HELZ: variants seen among roughly 807,000 people sequenced by gnomAD.
The protein encoded by HELZ is helicase with zinc finger.
Under a neutral mutation model 218.2 loss-of-function variants are expected in HELZ, and 23 were observed. That is an observed-to-expected ratio of 0.11 (90% confidence interval 0.08 to 0.15). The LOEUF (loss-of-function observed/expected upper bound fraction) is 0.15. Ranked by LOEUF, HELZ falls within the 10% of genes least tolerant of loss-of-function variation. The probability of loss-of-function intolerance (pLI) is 1.00; values close to 1 mark genes in which losing one functional copy is unlikely to be tolerated. For synonymous variants in HELZ, 814 were observed against 829.4 expected (o/e 0.98, Z 0.32); for missense variants, 1,813 against 2,353.7 (o/e 0.77, Z 4.75).
At chr17:67,184,643 GACTTTTTTAATTA>G (rs2039703670) in intron 12 of HELZ, among the ~76,000 whole-genome samples, 1 of 151,874 alleles carries the variant, frequency 6.6e-6, no homozygotes, top group Admixed American at 6.6e-5. Context: ...TACAAAAAAA[GACTTTTTTAATTA>G]ACTTTTTTAA....
intron 24 of HELZ, among the ~76,000 whole-genome samples, chr17:67,126,942 C>A (rs1243142278): frequency 6.6e-6 from 1 of 152,112 alleles, no homozygotes; most frequent in Admixed American, 6.6e-5. Flanking sequence ...TCTCTTATAC[C>A]GGGAGTCTTT....
chr17:67,123,531 C>A (rs2037684929), intron 25 of HELZ, among the ~76,000 whole-genome samples: 1 of 152,020 alleles, frequency 6.6e-6, no homozygotes, highest in Non-Finnish European at 1.5e-5. Flanking sequence ...TGTAACAGAA[C>A]CACATACAAT....
chr17:67,167,897 T>C, intron 13 of HELZ, 101 bp from the exon 14 acceptor site: 2 of 779,420 alleles, frequency 2.6e-6, no homozygotes, highest in Admixed American at 5.5e-5. Flanking sequence ...ATACCAAAAA[T>C]TAAACCATTA....
intron 6 of HELZ, among the ~76,000 whole-genome samples, chr17:67,203,004 C>T (rs1316483827): frequency 2.0e-5 from 3 of 151,930 alleles, no homozygotes; most frequent in East Asian, 1.9e-4. Context: ...CATCTGTAGT[C>T]CCAGCTACTC....
chr17:67,216,206 A>G (rs2040596239), intron 4 of HELZ, among the ~76,000 whole-genome samples: 1 of 152,108 alleles, frequency 6.6e-6, no homozygotes, highest in African/African-American at 2.4e-5. Context: ...CCCCGCCAAA[A>G]GCTTTACTGA....
chr17:67,181,062 T>C (rs964379720), intron 12 of HELZ, among the ~76,000 whole-genome samples: 1 of 151,688 alleles, frequency 6.6e-6, no homozygotes, highest in Non-Finnish European at 1.5e-5. Context: ...AAAAAATAAA[T>C]AAATAAATAA....
At chr17:67,215,821 T>C in intron 5 of HELZ, 78 bp downstream of exon 5, 1 of 963,596 alleles carries the variant, frequency 1.0e-6, no homozygotes, top group Non-Finnish European at 1.6e-6. Context: ...TATCATCATT[T>C]TTGAAATTAG....
chr17:67,234,612 A>C (rs1390625719), intron 3 of HELZ, among the ~76,000 whole-genome samples: 1 of 152,112 alleles, frequency 6.6e-6, no homozygotes, highest in Admixed American at 6.5e-5. Context: ...TGGGAGGCCA[A>C]GTGCTTCAGG....
At chr17:67,154,713 A>G (rs1405534445) in intron 17 of HELZ, among the ~76,000 whole-genome samples, 1 of 152,178 alleles carries the variant, frequency 6.6e-6, no homozygotes, top group Admixed American at 6.5e-5. Flanking sequence ...TCCATTTTTC[A>G]TTCAATTCAA....
At chr17:67,232,708 G>T in intron 3 of HELZ, among the ~76,000 whole-genome samples, 1 of 152,212 alleles carries the variant, frequency 6.6e-6, no homozygotes, top group East Asian at 1.9e-4. Context: ...AATTGATGCA[G>T]AGGGAGGAAA....
Position 67,151,125 on chromosome 17 carries a change from T to C in HELZ, c.2277A>G (p.Lys759=). The stretch of plus-strand genomic sequence containing the variant: ...CCACTCGATGTTTAAGAATATCTTC[T>C]TTCTGGGGCATCTGAAAGGTGGAAT... ...SAHSTFQMPQ[K]EDILKHRVVV... The change falls in exon 18 of 33, where the codon AAA becomes AAG. Residue 759 remains lysine, a synonymous_variant. Coordinates refer to ENST00000358691, the MANE Select transcript of HELZ (RefSeq NM_014877.4). The C allele has an allele frequency of 1.2e-6, 2 of 1,614,002 alleles. No individual in the cohort carries two copies. Among genetic ancestry groups the C allele is most frequent in the Non-Finnish European group, 1.7e-6 (2 of 1,179,892 alleles).
intron 3 of HELZ, chr17:67,224,647 A>G: frequency 6.5e-6 from 4 of 618,912 alleles, no homozygotes; most frequent in Non-Finnish European, 1.2e-5. Context: ...ATGGGAGACA[A>G]ATGGCTTAGT....
chr17:67,123,484 T>C (rs113427086), intron 25 of HELZ, among the ~76,000 whole-genome samples: 1,603 of 152,220 alleles, frequency 0.011, 26 homozygotes, highest in African/African-American at 0.036. Flanking sequence ...ATCTAAAAAA[T>C]TATACAACTC....
At chr17:67,199,014 G>A (rs768956859) in intron 7 of HELZ, among the ~76,000 whole-genome samples, 23 of 152,070 alleles carry the variant, frequency 1.5e-4, no homozygotes, top group African/African-American at 5.1e-4. Context: ...GTGATTATCA[G>A]ATGTAAAGTT....
intron 16 of HELZ, 153 bp from the exon 17 acceptor site, chr17:67,160,515 G>C: frequency 1.7e-6 from 1 of 575,928 alleles, no homozygotes; most frequent in Non-Finnish European, 3.0e-6. Flanking sequence ...GATACCTTTA[G>C]GAAATTACAC....
intron 31 of HELZ, among the ~76,000 whole-genome samples, chr17:67,097,257 T>C (rs539627794): frequency 3.3e-5 from 5 of 152,294 alleles, no homozygotes; most frequent in Admixed American, 3.3e-4. Context: ...ACTGTGAGAA[T>C]TGTCAAAATG....
At chr17:67,120,272 G>A (rs1362446974) in intron 27 of HELZ, 133 bp downstream of exon 27, 15 of 734,366 alleles carry the variant, frequency 2.0e-5, no homozygotes, top group Non-Finnish European at 3.0e-5. Context: ...CCAAAGTGCT[G>A]GTAGATTCTC....
At chr17:67,182,545 A>G (rs750556437) in intron 12 of HELZ, among the ~76,000 whole-genome samples, 5 of 152,246 alleles carry the variant, frequency 3.3e-5, no homozygotes, top group South Asian at 2.1e-4. Flanking sequence ...AATTCTTACA[A>G]TAATAAATCT....
intron 9 of HELZ, among the ~76,000 whole-genome samples, chr17:67,192,752 G>A (rs1241404978): frequency 1.3e-5 from 2 of 152,120 alleles, no homozygotes; most frequent in Non-Finnish European, 2.9e-5. Context: ...TAAAGAGGCG[G>A]TGAGAATTTA....
Sources: allele counts gnomAD v4.1 joint callset (sites outside exome capture counted in the v4.1 genomes callset), GRCh38; gene constraint gnomAD v4.1.1; transcripts MANE v1.5; gene names NCBI Gene and HGNC (gene_info 2026-07-23, HGNC 2026-07-21).